TCERG1L: variants seen among roughly 807,000 people sequenced by gnomAD.
The protein encoded by TCERG1L is transcription elongation regulator 1 like.
In TCERG1L, 37 loss-of-function variants were observed where a neutral mutation model predicts 56.3. The ratio of observed to expected loss-of-function variants is 0.66; its 90% CI spans 0.51 to 0.87. The LOEUF is 0.87. Among genes scored for constraint, TCERG1L ranks in the 40% least tolerant of loss-of-function variants. TCERG1L has a pLI of 0.00. For synonymous variants in TCERG1L, 324 were observed against 326.3 expected, an observed-to-expected ratio of 0.99 and a Z score of 0.08; for missense variants, 799 against 774.2, an observed-to-expected ratio of 1.03 and a Z score of -0.38.
chr10:131,268,603 G>A (rs1349601275), intron 3 of TCERG1L, among the ~76,000 whole-genome samples: 1 of 152,152 alleles, frequency 6.6e-6, no homozygotes, highest in Non-Finnish European at 1.5e-5. Flanking sequence ...CATCTGCATT[G>A]CAAATCTCTT....
chr10:131,221,868 A>C (rs962747130), intron 4 of TCERG1L, among the ~76,000 whole-genome samples: 5 of 152,206 alleles, frequency 3.3e-5, no homozygotes, highest in African/African-American at 1.2e-4. Flanking sequence ...ACCTTCCCGC[A>C]CAGGGCAAAT....
intron 4 of TCERG1L, among the ~76,000 whole-genome samples, chr10:131,184,886 A>G (rs1424638286): frequency 6.6e-6 from 1 of 152,214 alleles, no homozygotes; most frequent in Admixed American, 6.5e-5. Flanking sequence ...CACCAAAGTC[A>G]CTATTACAAA....
rs913157891 is a variant in TCERG1L at position 131,215,453 on chromosome 10, T to C, written c.856+44806A>G. 1.1e-4 allele frequency among the ~76,000 whole-genome samples: 16 copies of C among 152,308 alleles called. 1 individual carries two copies. In the South Asian group the frequency reaches 3.3e-3, roughly 32 times the overall value. The stretch of plus-strand genomic sequence containing the variant: ...TTTGATTAAAATGGAATCCACGTAA[T>C]TGGTAAAAGCCTGAGTCTCGGCAGA... On this transcript the variant is annotated intron_variant, in intron 4 of 11. Coordinates refer to ENST00000368642, the MANE Select transcript of TCERG1L (RefSeq NM_174937.4).
At position 131,146,548 on chromosome 10, in the gene TCERG1L, T is replaced by C. The variant is rs1845796935; in HGVS notation, c.1147A>G (p.Ile383Val). Residue 383 changes from isoleucine (I) to valine (V), a missense_variant, in exon 7 of 12, where the codon ATT becomes GTT. Transcript: ENST00000368642. ...LKDRGDLNRI[I>V]EDPPHKRKLE... ...TTGCGTTTGTGGGGCGGGTCCTCAA[T>C]GATCCTGTTGAGGTCTCCGCGGTCC... The C allele has an allele frequency of 1.9e-6, 3 of 1,613,220 alleles. No individual in the cohort carries two copies. Among genetic ancestry groups the C allele is most frequent in the African/African-American group, 1.3e-5 (1 of 74,908 alleles).
chr10:131,096,536 G>C (rs1845248802), intron 11 of TCERG1L, among the ~76,000 whole-genome samples: 1 of 152,100 alleles, frequency 6.6e-6, no homozygotes, highest in Non-Finnish European at 1.5e-5. Context: ...CCTAATTCTT[G>C]ATCAACCAAA....
At chr10:131,166,270 G>A (rs1301989362) in intron 5 of TCERG1L, among the ~76,000 whole-genome samples, 6 of 152,250 alleles carry the variant, frequency 3.9e-5, no homozygotes, top group African/African-American at 1.4e-4. Flanking sequence ...TTTGACAGAT[G>A]AGAGCAAATT....
At chr10:131,240,637 C>A (rs1488650294) in intron 4 of TCERG1L, among the ~76,000 whole-genome samples, 1 of 152,196 alleles carries the variant, frequency 6.6e-6, no homozygotes, top group African/African-American at 2.4e-5. Flanking sequence ...GTCTTGCAGA[C>A]AGACGTGAGC....
At chr10:131,281,879 G>A (rs1371177787) in intron 3 of TCERG1L, among the ~76,000 whole-genome samples, 2 of 148,942 alleles carry the variant, frequency 1.3e-5, no homozygotes, top group Non-Finnish European at 3.0e-5. Flanking sequence ...GCTCACGCCT[G>A]TAATCCCAGC....
intron 7 of TCERG1L, among the ~76,000 whole-genome samples, chr10:131,140,312 C>T (rs1358721090): frequency 6.6e-6 from 1 of 152,144 alleles, no homozygotes; most frequent in African/African-American, 2.4e-5. Context: ...AGCTCAGCCC[C>T]ACAGGACCCT....
Position 131,136,194 on chromosome 10 carries a change from G to GA in TCERG1L, c.1190-1747_1190-1746insT, listed in dbSNP as rs1271086213. Among the ~76,000 whole-genome samples, 9 of 152,348 alleles carry GA rather than the reference G, an allele frequency of 5.9e-5. No individual in the cohort carries two copies. The East Asian group carries it at 1.7e-3, about 29-fold the overall frequency. On this transcript the variant is annotated intron_variant, in intron 7 of 11. Coordinates refer to ENST00000368642, the MANE Select transcript of TCERG1L (RefSeq NM_174937.4). ...ATGGAAGGGAAGAGAGGACACTGGA[G>GA]GGTATCCACTTCCTCCTCTCTGGCT...
intron 4 of TCERG1L, among the ~76,000 whole-genome samples, chr10:131,230,332 C>T (rs976147446): frequency 5.9e-5 from 9 of 152,216 alleles, no homozygotes; most frequent in South Asian, 2.1e-4. Context: ...GTGGTCACTG[C>T]GTGCCTGTGA....
At chr10:131,249,327 AC>A (rs1846079427) in intron 4 of TCERG1L, among the ~76,000 whole-genome samples, 1 of 152,174 alleles carries the variant, frequency 6.6e-6, no homozygotes, top group Non-Finnish European at 1.5e-5. Flanking sequence ...CCACCCGGCT[AC>A]CCCAGCATAG....
chr10:131,171,323 C>A (rs1225448363), intron 4 of TCERG1L, among the ~76,000 whole-genome samples: 1 of 152,124 alleles, frequency 6.6e-6, no homozygotes, highest in Non-Finnish European at 1.5e-5. Context: ...GGTGGGTTTG[C>A]TTGTGCCTGA....
In TCERG1L at chr10:131,267,085, G is replaced by A. The variant is rs77727072; in HGVS notation, c.671-6641C>T. Among the ~76,000 whole-genome samples, 11,847 of 152,024 alleles carry A rather than the reference G, an allele frequency of 0.078. 528 individuals are homozygous for A. Among genetic ancestry groups the A allele is most frequent in the Admixed American group, 0.14 (2,208 of 15,278 alleles). ...CTGGAACCCACTCCTTCACACCCAG[G>A]AGCCCGTCTGCCTCCTGCCACCACT... On this transcript the variant is annotated intron_variant, in intron 3 of 11. Transcript: ENST00000368642. This position sits in a 1 kb window ranked among gnomAD's most constrained non-coding sequence, Gnocchi z 4.9.
At chr10:131,301,742 C>T (rs992401948) in intron 3 of TCERG1L, among the ~76,000 whole-genome samples, 1 of 150,910 alleles carries the variant, frequency 6.6e-6, no homozygotes, top group Non-Finnish European at 1.5e-5. Flanking sequence ...CAAAAGTAAA[C>T]AAAATGAAAT....
intron 3 of TCERG1L, among the ~76,000 whole-genome samples, chr10:131,270,149 G>A (rs1453353614): frequency 1.3e-5 from 2 of 152,178 alleles, no homozygotes; most frequent in African/African-American, 4.8e-5. Flanking sequence ...AAGCCAGATG[G>A]CACCTGGCTC....
chr10:131,304,942 A>C (rs1162115415), intron 3 of TCERG1L, among the ~76,000 whole-genome samples: 1 of 152,052 alleles, frequency 6.6e-6, no homozygotes, highest in East Asian at 1.9e-4. Flanking sequence ...CATCCCTGCC[A>C]CGTCTCCTCC....
At position 131,285,511 on chromosome 10, in the gene TCERG1L, AG is replaced by A. The variant is rs1564833898; in HGVS notation, c.670+22699del. 2.8e-4 allele frequency among the ~76,000 whole-genome samples: 5 copies of A among 18,066 alleles called. 1 individual carries two copies. Among genetic ancestry groups the A allele is most frequent in the South Asian group, 3.5e-3 (1 of 286 alleles). The allele number at this position is 18,066 out of a possible 152,430, so 11.9% of individuals were successfully genotyped here. A position where few individuals can be genotyped will look rare whatever the true frequency, so the allele number is the denominator to read the frequency against. On this transcript the variant is annotated intron_variant, in intron 3 of 11. Coordinates refer to ENST00000368642, the MANE Select transcript of TCERG1L (RefSeq NM_174937.4). ...AAGAAAGAAAGAAAGAAAGAAAGAA[AG>A]AAAGAAAGAAAGAGAGAAAGAAAAG...
intron 4 of TCERG1L, among the ~76,000 whole-genome samples, chr10:131,245,625 C>T (rs952499379): frequency 4.6e-5 from 7 of 152,196 alleles, no homozygotes; most frequent in African/African-American, 1.7e-4. Context: ...CAGGCCGCCG[C>T]CACATGTGGC....
Sources: allele counts gnomAD v4.1 joint callset (sites outside exome capture counted in the v4.1 genomes callset), GRCh38; gene constraint gnomAD v4.1.1; non-coding constraint Gnocchi (gnomAD v3.1); transcripts MANE v1.5; gene names NCBI Gene and HGNC (gene_info 2026-07-23, HGNC 2026-07-21).